The following PHF12 variants were observed in gnomAD, a reference collection of about 807,000 sequenced individuals.
PHF12 encodes the protein PHD finger protein 12, also known as PHD factor 1.
PHF12 carries 6 observed loss-of-function variants against 99.8 expected under a neutral mutation model. The ratio of observed to expected loss-of-function variants is 0.06; its 90% CI spans 0.03 to 0.12. PHF12 has a LOEUF of 0.12. Among genes scored for constraint, PHF12 ranks in the 10% least tolerant of loss-of-function variants. PHF12 has a pLI of 1.00. For synonymous variants in PHF12, 480 were observed against 514.9 expected (o/e 0.93, Z 0.92); for missense variants, 954 against 1,300.1 (o/e 0.73, Z 4.09).
At position 28,949,026 on chromosome 17, in the gene PHF12, G is replaced by T. The variant is rs773221322; in HGVS notation, c.248+1039C>A. Among the ~76,000 whole-genome samples the T allele has an allele frequency of 6.6e-6, 1 of 152,178 alleles. No individual in the cohort carries two copies. Among genetic ancestry groups the T allele is most frequent in the Non-Finnish European group, 1.5e-5 (1 of 68,030 alleles). ...GATTGTCCTGGGCTGAGCCGCTGAG[G>T]AGGATCACGCAGCGGGCGATCAACT... On this transcript the variant is annotated intron_variant, in intron 2 of 14. Transcript: ENST00000332830. This position sits in a 1 kb window ranked among gnomAD's most constrained non-coding sequence, Gnocchi z 4.6.
At chr17:28,938,983 C>T (rs989445285) in intron 2 of PHF12, among the ~76,000 whole-genome samples, 3 of 152,222 alleles carry the variant, frequency 2.0e-5, no homozygotes, top group African/African-American at 7.2e-5. Context: ...ACGGTGAGCA[C>T]TCAGGAAAGC....
intron 2 of PHF12, among the ~76,000 whole-genome samples, chr17:28,927,474 T>C (rs1306785812): frequency 6.6e-6 from 1 of 152,204 alleles, no homozygotes; most frequent in African/African-American, 2.4e-5. Flanking sequence ...AGACTTCCTA[T>C]TTCTTCCTCT....
chr17:28,941,574 AAG>A (rs2040617048), intron 2 of PHF12, among the ~76,000 whole-genome samples: 1 of 152,176 alleles, frequency 6.6e-6, no homozygotes, highest in African/African-American at 2.4e-5. Flanking sequence ...AATTGACCTG[AAG>A]TTATTTCCAC....
In PHF12 at chr17:28,905,789, A is replaced by T. The variant is rs2039861867; in HGVS notation, c.*394T>A. On this transcript the variant is annotated 3_prime_UTR_variant, in exon 15 of 15. Coordinates refer to ENST00000332830, the MANE Select transcript of PHF12 (RefSeq NM_001033561.2). ...GTATTTTTTCTTTTAATATAAAACT[A>T]TTGTCACTGCCACAAAATAGAACAA... The T allele has an allele frequency of 6.0e-6, 1 of 165,530 alleles. No homozygotes were observed. The highest frequency in any genetic ancestry group is 2.4e-5 in the African/African-American group (1 of 41,956). The allele number at this position is 165,530 out of a possible 1,614,324, so 10.3% of individuals were successfully genotyped here.
intron 2 of PHF12, among the ~76,000 whole-genome samples, chr17:28,942,993 AAT>A (rs1430289609): frequency 6.6e-6 from 1 of 152,176 alleles, no homozygotes; most frequent in Non-Finnish European, 1.5e-5. Context: ...CTCAATTAAA[AAT>A]AGACAAAAAT....
At position 28,951,177 on chromosome 17, in the gene PHF12, T is replaced by A; in HGVS notation, c.-217A>T. ...CCGCGAGGGGGGAGCGGCCCCTCAG[T>A]CCCGGCCCGGCTGCTGGCTGCACAG... On this transcript the variant is annotated 5_prime_UTR_variant, in exon 1 of 15. Coordinates refer to ENST00000332830, the MANE Select transcript of PHF12 (RefSeq NM_001033561.2). The A allele has an allele frequency of 7.1e-7, 1 of 1,414,062 alleles. No individual in the cohort carries two copies. Among genetic ancestry groups the A allele is most frequent in the African/African-American group, 1.5e-5 (1 of 68,316 alleles). The allele number at this position is 1,414,062 out of a possible 1,614,324, so 87.6% of individuals were successfully genotyped here.
At position 28,951,080 on chromosome 17, in the gene PHF12, C is replaced by T; in HGVS notation, c.-120G>A. 1 of 1,513,556 alleles carries T rather than the reference C, an allele frequency of 6.6e-7. No homozygotes were observed. The highest frequency in any genetic ancestry group is 8.8e-7 in the Non-Finnish European group (1 of 1,129,950). The allele number at this position is 1,513,556 out of a possible 1,614,324, so 93.8% of individuals were successfully genotyped here. A position where few individuals can be genotyped will look rare whatever the true frequency, so the allele number is the denominator to read the frequency against. ...CCCGCTTTTTTCCCAATACGGGTCC[C>T]GACTTCCTCGCCCTGGCTCCCCCCC... On this transcript the variant is annotated 5_prime_UTR_variant, in exon 1 of 15. Coordinates refer to ENST00000332830, the MANE Select transcript of PHF12 (RefSeq NM_001033561.2).
intron 7 of PHF12, among the ~76,000 whole-genome samples, chr17:28,916,693 CT>C (rs1371492229): frequency 6.6e-6 from 1 of 152,186 alleles, no homozygotes; most frequent in African/African-American, 2.4e-5. Flanking sequence ...CCACCAAATG[CT>C]TTTCAAGGAG....
intron 2 of PHF12, among the ~76,000 whole-genome samples, chr17:28,933,927 G>C (rs1339958601): frequency 6.6e-6 from 1 of 152,036 alleles, no homozygotes; most frequent in Admixed American, 6.6e-5. Flanking sequence ...TGCATCTGTA[G>C]TCCCAGCTAC....
At chr17:28,944,724 A>C in intron 2 of PHF12, 1 of 155,092 alleles carries the variant, frequency 6.4e-6, no homozygotes, top group Non-Finnish European at 1.4e-5. Context: ...AAATAAATAA[A>C]TAAATAAAAT....
chr17:28,949,216 A>G lies in PHF12; in HGVS notation c.248+849T>C, dbSNP rs143006572. Among the ~76,000 whole-genome samples the G allele has an allele frequency of 4.1e-3, 620 of 152,286 alleles. 2 individuals carry two copies. Among genetic ancestry groups the G allele is most frequent in the African/African-American group, 0.014 (596 of 41,562 alleles). ...GAATTTTGCAGCGAAGGGCTCGCCG[A>G]TCCGGAGCGGAGAAATGAAATCGGC... is the stretch of plus-strand genomic sequence containing the variant. On this transcript the variant is annotated intron_variant, in intron 2 of 14. Transcript: ENST00000332830. The surrounding 1 kb of genome is among the most constrained non-coding windows in gnomAD (Gnocchi z 4.6).
At position 28,908,828 on chromosome 17, in the gene PHF12, C is replaced by T; in HGVS notation, c.2413G>A (p.Gly805Arg). The change falls in exon 12 of 15, where the codon GGA becomes AGA. Residue 805 changes from glycine to arginine, a missense_variant. Physicochemically the swap from Gly to Arg is moderately radical, Grantham distance 125 (BLOSUM62 -2). Transcript: ENST00000332830. ...CGATAGCACATGTTCACAGCTCCTCCCAACCCTAAGAGGGGGTAGAACACA... is the reference window on the plus strand; with the variant it reads ...CGATAGCACATGTTCACAGCTCCTCTCAACCCTAAGAGGGGGTAGAACACA... ...RAVFYPLLGL[G>R]GAVNMCYRTL... The T allele has an allele frequency of 6.2e-7, 1 of 1,614,082 alleles. No homozygotes were observed. The highest frequency in any genetic ancestry group is 8.5e-7 in the Non-Finnish European group (1 of 1,179,992).
chr17:28,928,043 G>A (rs1399013949), intron 2 of PHF12, among the ~76,000 whole-genome samples: 1 of 152,160 alleles, frequency 6.6e-6, no homozygotes, highest in African/African-American at 2.4e-5. Context: ...TTTGGGAGGT[G>A]GAGGTTGCAG....
rs759067398 is a variant in PHF12, at chr17:28,912,646, T to C, written c.1925A>G (p.Gln642Arg). The change falls in exon 9 of 15, where the codon CAA becomes CGA. Residue 642 changes from glutamine to arginine, a missense_variant. Physicochemically the swap from Gln to Arg is conservative, Grantham distance 43. Transcript: ENST00000332830. ...CASIENTSTL[Q>R]RKTVQSQIGP... ...TATCTGTGATTGGACAGTCTTTCTTTGCAAAGTGCTGGTGTTCTCGATGCT... is the reference window on the plus strand; with the variant it reads ...TATCTGTGATTGGACAGTCTTTCTTCGCAAAGTGCTGGTGTTCTCGATGCT... The C allele has an allele frequency of 6.2e-7, 1 of 1,614,204 alleles. No homozygotes were observed. The highest frequency in any genetic ancestry group is 1.1e-5 in the South Asian group (1 of 91,086).
At chr17:28,909,642 G>A (rs1022791009) in intron 11 of PHF12, 6 of 160,812 alleles carry the variant, frequency 3.7e-5, no homozygotes, top group Non-Finnish European at 8.1e-5. Context: ...CCAGGCTGGA[G>A]TGCAGTGGCA....
chr17:28,936,635 G>C (rs1444485098), intron 2 of PHF12, among the ~76,000 whole-genome samples: 1 of 152,128 alleles, frequency 6.6e-6, no homozygotes, highest in Non-Finnish European at 1.5e-5. Context: ...TTCAGTTTCA[G>C]TCAAAATAAA....
rs2040779383 is a variant in PHF12, at chr17:28,949,924, G to A, written c.248+141C>T. On this transcript the variant is annotated intron_variant, in intron 2 of 14. Coordinates refer to ENST00000332830, the MANE Select transcript of PHF12 (RefSeq NM_001033561.2). This position sits in a 1 kb window ranked among gnomAD's most constrained non-coding sequence, Gnocchi z 4.6. ...GAACCCGGCGGACACCTGGGGGCGG[G>A]GAGGTGCTCGCCCCGGCAGCTGCAG... is the stretch of plus-strand genomic sequence containing the variant. 5 of 960,124 alleles carry A rather than the reference G, an allele frequency of 5.2e-6. No individual in the cohort carries two copies. Among genetic ancestry groups the A allele is most frequent in the Non-Finnish European group, 7.6e-6 (5 of 660,140 alleles). The allele number at this position is 960,124 out of a possible 1,614,324, so 59.5% of individuals were successfully genotyped here. A position where few individuals can be genotyped will look rare whatever the true frequency, so the allele number is the denominator to read the frequency against.
chr17:28,907,449 C>A, intron 13 of PHF12, 141 bp downstream of exon 13: 1 of 779,462 alleles, frequency 1.3e-6, no homozygotes. Flanking sequence ...GACTCTCCTC[C>A]TCCAGGAATG....
chr17:28,907,506 C>T (rs1286844820), intron 13 of PHF12, 84 bp downstream of exon 13: 2 of 1,386,088 alleles, frequency 1.4e-6, no homozygotes, highest in African/African-American at 2.8e-5. Context: ...TCTTCCCTCC[C>T]CTCAGGGCAC....
Sources: allele counts gnomAD v4.1 joint callset (sites outside exome capture counted in the v4.1 genomes callset), GRCh38; gene constraint gnomAD v4.1.1; non-coding constraint Gnocchi (gnomAD v3.1); transcripts MANE v1.5; gene names NCBI Gene and HGNC (gene_info 2026-07-23, HGNC 2026-07-21).